ABL1: variants seen among roughly 807,000 people sequenced by gnomAD.
ABL1 encodes the protein ABL proto-oncogene 1, non-receptor tyrosine kinase.
A neutral mutation model predicts 94.7 loss-of-function variants in ABL1; 11 were observed. That is an observed-to-expected ratio of 0.12 (90% confidence interval 0.07 to 0.19). ABL1 has a LOEUF of 0.19. Ranked by LOEUF, ABL1 falls within the 10% of genes least tolerant of loss-of-function variation. The pLI, the probability that ABL1 is intolerant of heterozygous loss-of-function variation, is 1.00. For synonymous variants in ABL1, 656 were observed against 622.4 expected (o/e 1.05, Z -0.80); for missense variants, 1,082 against 1,489.4 (o/e 0.73, Z 4.50).
At position 130,823,393 on chromosome 9, in the gene ABL1, G is replaced by A. The variant is rs191918650; in HGVS notation, c.137-30671G>A. Reference sequence around the variant, plus strand: ...GGAATTCTTAGGTTAATGCGAGTTAGAACTGACCTTTTAACATTATTACCA... The same window carrying A: ...GGAATTCTTAGGTTAATGCGAGTTAAAACTGACCTTTTAACATTATTACCA... On this transcript the variant is annotated intron_variant, in intron 1 of 10. Transcript: ENST00000372348. 9.9e-5 allele frequency among the ~76,000 whole-genome samples: 15 copies of A among 152,242 alleles called. No individual in the cohort carries two copies. The East Asian group carries it at 1.9e-3, about 20-fold the overall frequency.
intron 1 of ABL1, among the ~76,000 whole-genome samples, chr9:130,826,146 A>C (rs1010396111): frequency 6.1e-5 from 9 of 147,870 alleles, no homozygotes; most frequent in African/African-American, 2.4e-4. Context: ...AATGACAATA[A>C]AAAGATTTCT....
intron 1 of ABL1, among the ~76,000 whole-genome samples, chr9:130,810,773 A>C (rs1381235043): frequency 2.0e-5 from 3 of 152,068 alleles, no homozygotes; most frequent in Admixed American, 2.0e-4. Flanking sequence ...AAAATGGCTG[A>C]AAAATTTCCA....
At chr9:130,756,597 C>T (rs1484993780) in intron 1 of ABL1, among the ~76,000 whole-genome samples, 2 of 151,964 alleles carry the variant, frequency 1.3e-5, no homozygotes, top group Admixed American at 6.6e-5. Flanking sequence ...TAAGGCAGCT[C>T]GATAGCATTT....
At chr9:130,865,201 A>C (rs1831134874) in intron 4 of ABL1, among the ~76,000 whole-genome samples, 2 of 152,174 alleles carry the variant, frequency 1.3e-5, no homozygotes, top group Admixed American at 1.3e-4. Flanking sequence ...TTAACTTACG[A>C]TCTCACAGTT....
intron 1 of ABL1, among the ~76,000 whole-genome samples, chr9:130,778,809 T>A (rs1295411078): frequency 1.3e-5 from 2 of 151,982 alleles, no homozygotes; most frequent in East Asian, 3.9e-4. Flanking sequence ...CAGTCCACCA[T>A]CTTGACCGGG....
At chr9:130,716,054 T>C (rs1457257312) in intron 1 of ABL1, among the ~76,000 whole-genome samples, 2 of 149,502 alleles carry the variant, frequency 1.3e-5, no homozygotes, top group Admixed American at 1.3e-4. Context: ...ATATATCCAC[T>C]TTTCACTGAA....
intron 1 of ABL1, among the ~76,000 whole-genome samples, chr9:130,796,291 G>A (rs1396101176): frequency 2.0e-5 from 3 of 152,232 alleles, no homozygotes; most frequent in Non-Finnish European, 2.9e-5. Context: ...GGGAGGCCGA[G>A]GCAAGTGGAT....
chr9:130,815,641 A>G lies in ABL1; in HGVS notation c.137-38423A>G, dbSNP rs574335408. ...GGTATTTCCTTAGTTTCTTCTCCCTACAGCAGCCAGAGCTAATCATTTTAA... is the reference window on the plus strand; with the variant it reads ...GGTATTTCCTTAGTTTCTTCTCCCTGCAGCAGCCAGAGCTAATCATTTTAA... On this transcript the variant is annotated intron_variant, in intron 1 of 10. Coordinates refer to the ABL1 transcript ENST00000372348. Among the ~76,000 whole-genome samples the G allele has an allele frequency of 5.3e-5, 8 of 152,212 alleles. No homozygotes were observed. The East Asian group carries it at 1.5e-3, about 29-fold the overall frequency.
At chr9:130,717,306 ATGCTGGGATTACAGGTGTGAGCCACCG>A (rs1446471895) in intron 1 of ABL1, among the ~76,000 whole-genome samples, 1 of 151,910 alleles carries the variant, frequency 6.6e-6, no homozygotes, top group Non-Finnish European at 1.5e-5. Flanking sequence ...GCCTCCCAAA[ATGCTGGGATTACAGGTGTGAGCCACCG>A]TGCCCAGCCA....
intron 1 of ABL1, among the ~76,000 whole-genome samples, chr9:130,813,962 A>G (rs1830247415): frequency 6.6e-6 from 1 of 152,196 alleles, no homozygotes; most frequent in Admixed American, 6.5e-5. Flanking sequence ...AGAAAAAATG[A>G]AGACTAGTGA....
At chr9:130,843,960 G>A (rs1455422446) in intron 1 of ABL1, among the ~76,000 whole-genome samples, 1 of 152,012 alleles carries the variant, frequency 6.6e-6, no homozygotes, top group Non-Finnish European at 1.5e-5. Flanking sequence ...CATTTTTTGA[G>A]GGCCTGTGCA....
intron 1 of ABL1, among the ~76,000 whole-genome samples, chr9:130,764,770 A>T: frequency 6.6e-6 from 1 of 152,122 alleles, no homozygotes; most frequent in East Asian, 1.9e-4. Context: ...AGCCTGGCTA[A>T]CATGGTGAAA....
chr9:130,861,634 C>G (rs1368166894), intron 3 of ABL1, among the ~76,000 whole-genome samples: 1 of 152,076 alleles, frequency 6.6e-6, no homozygotes, highest in Non-Finnish European at 1.5e-5. Context: ...CCTCTCGTCC[C>G]AAGCATCACC....
At chr9:130,718,272 C>T (rs765393051) in intron 1 of ABL1, among the ~76,000 whole-genome samples, 14 of 147,298 alleles carry the variant, frequency 9.5e-5, no homozygotes, top group Non-Finnish European at 1.8e-4. Context: ...GACCTGAGAT[C>T]GCACCACTGC....
intron 6 of ABL1, among the ~76,000 whole-genome samples, chr9:130,873,501 T>C (rs1421342143): frequency 6.6e-6 from 1 of 152,178 alleles, no homozygotes; most frequent in Non-Finnish European, 1.5e-5. Flanking sequence ...TGTTTTTTAG[T>C]GTGTGTGTCT....
rs1831084916 is a variant in ABL1 at position 130,862,206 on chromosome 9, GTTA to G, written c.550-554_550-552del. On this transcript the variant is annotated intron_variant, in intron 3 of 10. Transcript: ENST00000318560. This position sits in a 1 kb window ranked among gnomAD's most constrained non-coding sequence, Gnocchi z 5.5. Reference sequence around the variant, plus strand: ...CTACCATGTGTTAATTTAATCAACAGTTATTTATTGAGTACTTATTACATGTTG... The same window carrying G: ...CTACCATGTGTTAATTTAATCAACAGTTTATTGAGTACTTATTACATGTTG... Among the ~76,000 whole-genome samples, 1 of 152,192 alleles carries G rather than the reference GTTA, an allele frequency of 6.6e-6. No homozygotes were observed. The highest frequency in any genetic ancestry group is 2.4e-5 in the African/African-American group (1 of 41,440).
At chr9:130,818,463 C>G (rs1200160482) in intron 1 of ABL1, among the ~76,000 whole-genome samples, 1 of 151,924 alleles carries the variant, frequency 6.6e-6, no homozygotes, top group Non-Finnish European at 1.5e-5. Context: ...GAGCAAAACT[C>G]CATTTCAAAA....
At chr9:130,828,141 G>A (rs1830449781) in intron 1 of ABL1, among the ~76,000 whole-genome samples, 1 of 151,574 alleles carries the variant, frequency 6.6e-6, no homozygotes, top group Admixed American at 6.6e-5. Context: ...CTGGAGTGCA[G>A]TGGCAAGATC....
intron 1 of ABL1, among the ~76,000 whole-genome samples, chr9:130,806,585 G>T (rs1035806286): frequency 6.6e-6 from 1 of 152,104 alleles, no homozygotes; most frequent in Non-Finnish European, 1.5e-5. Flanking sequence ...AGGCAGAGGT[G>T]GGAGGATCAC....
Sources: allele counts gnomAD v4.1 joint callset (sites outside exome capture counted in the v4.1 genomes callset), GRCh38; gene constraint gnomAD v4.1.1; non-coding constraint Gnocchi (gnomAD v3.1); transcripts MANE v1.5; gene names NCBI Gene and HGNC (gene_info 2026-07-23, HGNC 2026-07-21).